The following SEMA3C variants were observed in gnomAD, a reference collection of about 807,000 sequenced individuals.
SEMA3C encodes the protein semaphorin 3C.
SEMA3C carries 47 observed loss-of-function variants against 89.4 expected under a neutral mutation model. The observed-to-expected ratio is 0.53, with a 90% confidence interval of 0.42 to 0.67. The LOEUF is 0.67. Ranked by LOEUF, SEMA3C falls within the 30% of genes least tolerant of loss-of-function variation. The probability of loss-of-function intolerance (pLI) is 0.00; values close to 1 mark genes in which losing one functional copy is unlikely to be tolerated. For missense variants in SEMA3C, 839 were observed against 929.1 expected (o/e 0.90, Z 1.26); for synonymous variants, 310 against 320.2 (o/e 0.97, Z 0.34).
intron 10 of SEMA3C, among the ~76,000 whole-genome samples, chr7:80,799,954 A>C (rs895083089): frequency 2.0e-5 from 3 of 151,814 alleles, no homozygotes; most frequent in African/African-American, 7.3e-5. Flanking sequence ...GATCAAGACC[A>C]TCCTGCCTTG....
At chr7:80,850,789 T>A (rs1237108661) in intron 2 of SEMA3C, among the ~76,000 whole-genome samples, 1 of 152,144 alleles carries the variant, frequency 6.6e-6, no homozygotes, top group Non-Finnish European at 1.5e-5. Flanking sequence ...AAAGAAAGAG[T>A]ATTAAATCGA....
chr7:80,754,947 G>GTTTTTTTTTTTTTTTTT (rs1031680674), intron 15 of SEMA3C, among the ~76,000 whole-genome samples: 1 of 13,128 alleles, frequency 7.6e-5, no homozygotes, highest in Non-Finnish European at 3.0e-4. Flanking sequence ...CTGGCGAATT[G>GTTTTTTTTTTTTTTTTT]TTTTTTTTTG....
At chr7:80,755,499 T>C (rs188982504) in intron 15 of SEMA3C, among the ~76,000 whole-genome samples, 1 of 151,502 alleles carries the variant, frequency 6.6e-6, no homozygotes, top group African/African-American at 2.4e-5. Context: ...TGATGTCCAG[T>C]TTCCTTACAT....
At chr7:80,851,217 T>A (rs1180235344) in intron 2 of SEMA3C, among the ~76,000 whole-genome samples, 1 of 152,042 alleles carries the variant, frequency 6.6e-6, no homozygotes, top group Non-Finnish European at 1.5e-5. Context: ...CCATGTAAGA[T>A]GACATTCGGC....
In SEMA3C at chr7:80,841,208, A is replaced by C. The variant is rs376969046; in HGVS notation, c.104-12463T>G. On this transcript the variant is annotated intron_variant, in intron 2 of 17. Transcript: ENST00000265361. ...TCACATACAAGTTTGCTAGAAAGATAATTCTGCTTAATGAAGAGTTCTTGA... is the reference window on the plus strand; with the variant it reads ...TCACATACAAGTTTGCTAGAAAGATCATTCTGCTTAATGAAGAGTTCTTGA... Among the ~76,000 whole-genome samples, 61 of 152,326 alleles carry C rather than the reference A, an allele frequency of 4.0e-4. 1 individual carries two copies. The highest frequency in any genetic ancestry group is 1.4e-3 in the African/African-American group (58 of 41,574).
intron 11 of SEMA3C, among the ~76,000 whole-genome samples, chr7:80,796,912 A>T (rs1789078821): frequency 6.6e-6 from 1 of 152,204 alleles, no homozygotes; most frequent in Admixed American, 6.5e-5. Flanking sequence ...TTTTCAAAAA[A>T]TTAACATTGG....
At chr7:80,745,869 C>G (rs899841265) in intron 17 of SEMA3C, among the ~76,000 whole-genome samples, 1 of 151,954 alleles carries the variant, frequency 6.6e-6, no homozygotes, top group African/African-American at 2.4e-5. Flanking sequence ...TCAATTATCC[C>G]AAAATAAACA....
chr7:80,836,148 C>T (rs1214842677), intron 2 of SEMA3C, among the ~76,000 whole-genome samples: 1 of 152,130 alleles, frequency 6.6e-6, no homozygotes, highest in East Asian at 1.9e-4. Context: ...AACTCGAGAA[C>T]TATCAACATC....
intron 12 of SEMA3C, among the ~76,000 whole-genome samples, chr7:80,781,475 C>T (rs993763500): frequency 6.6e-6 from 1 of 152,144 alleles, no homozygotes; most frequent in Non-Finnish European, 1.5e-5. Context: ...GAAACATTTC[C>T]TTCTATTTTC....
chr7:80,750,471 TATACACAC>T (rs1382313667), intron 16 of SEMA3C, among the ~76,000 whole-genome samples: 11 of 52,404 alleles, frequency 2.1e-4, no homozygotes, highest in Non-Finnish European at 3.9e-4. Context: ...TATATATATA[TATACACAC>T]ACACACACAC....
chr7:80,760,511 T>G (rs1381576581), intron 14 of SEMA3C, among the ~76,000 whole-genome samples: 1 of 152,226 alleles, frequency 6.6e-6, no homozygotes, highest in Non-Finnish European at 1.5e-5. Context: ...TTTTTACAGA[T>G]GAGATCGTTA....
intron 12 of SEMA3C, among the ~76,000 whole-genome samples, chr7:80,768,218 GA>G (rs1232205299): frequency 6.6e-6 from 1 of 152,104 alleles, no homozygotes; most frequent in Non-Finnish European, 1.5e-5. Flanking sequence ...CGCTTCCTTA[GA>G]ATTACCTCTG....
chr7:80,743,763 C>A lies in SEMA3C; in HGVS notation c.*1131G>T, dbSNP rs1400377204. 6.6e-6 allele frequency: 1 copy of A among 151,758 alleles called. No homozygotes were observed. The highest frequency in any genetic ancestry group is 6.6e-5 in the Admixed American group (1 of 15,232). 9.4% of individuals were successfully genotyped at this position (151,758 alleles called of 1,614,324 possible). ...GTATGTACCATTACCTTTTGAAAGACAGAATGTCTCCTCATATTGTTTTCT... is the reference window on the plus strand; with the variant it reads ...GTATGTACCATTACCTTTTGAAAGAAAGAATGTCTCCTCATATTGTTTTCT... On this transcript the variant is annotated 3_prime_UTR_variant, in exon 18 of 18. Transcript: ENST00000265361.
intron 12 of SEMA3C, among the ~76,000 whole-genome samples, chr7:80,766,620 C>G (rs1788310257): frequency 6.7e-6 from 1 of 149,830 alleles, no homozygotes; most frequent in Non-Finnish European, 1.5e-5. Context: ...TCATTCCTTC[C>G]TTGCTTTGTT....
In SEMA3C at chr7:80,758,508, GATTT is replaced by G; in HGVS notation, c.1486-24_1486-21del. ...CTGTTGCTATTAAAGGAATGATGAT[GATTT>G]ATTTCAGATGTGGAAGTTAAAAGAA... On this transcript the variant is annotated intron_variant, in intron 14 of 17. Coordinates refer to ENST00000265361, the MANE Select transcript of SEMA3C (RefSeq NM_006379.5). 14 of 1,610,934 alleles carry G rather than the reference GATTT, an allele frequency of 8.7e-6. No homozygotes were observed. The highest frequency in any genetic ancestry group is 1.2e-5 in the Non-Finnish European group (14 of 1,177,480).
chr7:80,803,962 T>C (rs1789275260), intron 8 of SEMA3C, 144 bp downstream of exon 8: 1 of 719,760 alleles, frequency 1.4e-6, no homozygotes, highest in Non-Finnish European at 2.1e-6. Context: ...ATATTAAATA[T>C]AATAATGATG....
intron 2 of SEMA3C, among the ~76,000 whole-genome samples, chr7:80,846,387 C>T (rs1387916984): frequency 6.6e-6 from 1 of 152,164 alleles, no homozygotes; most frequent in Non-Finnish European, 1.5e-5. Context: ...GACAAGGTCT[C>T]ACTCTGTCAC....
intron 12 of SEMA3C, among the ~76,000 whole-genome samples, chr7:80,774,992 C>T (rs1000145971): frequency 6.6e-6 from 1 of 151,250 alleles, no homozygotes; most frequent in African/African-American, 2.4e-5. Context: ...GTCATGGGAA[C>T]AAGGAACGTA....
Position 80,809,534 on chromosome 7 carries a change from C to T in SEMA3C, c.538+1077G>A, listed in dbSNP as rs147528663. On this transcript the variant is annotated intron_variant, in intron 6 of 17. Transcript: ENST00000265361. Reference sequence around the variant, plus strand: ...CAAAATAGCTGTACTAATTTACATTCCCACCAACAATGTACACAATTTCCT... The same window carrying T: ...CAAAATAGCTGTACTAATTTACATTTCCACCAACAATGTACACAATTTCCT... Among the ~76,000 whole-genome samples the T allele has an allele frequency of 1.2e-3, 184 of 152,230 alleles. 1 individual carries two copies. Among genetic ancestry groups the T allele is most frequent in the African/African-American group, 4.2e-3 (174 of 41,552 alleles).
Sources: allele counts gnomAD v4.1 joint callset (sites outside exome capture counted in the v4.1 genomes callset), GRCh38; gene constraint gnomAD v4.1.1; transcripts MANE v1.5; gene names NCBI Gene and HGNC (gene_info 2026-07-23, HGNC 2026-07-21).